The following GRM7 variants were observed in gnomAD, a reference collection of about 807,000 sequenced individuals.
GRM7 encodes the protein glutamate metabotropic receptor 7.
GRM7 carries 35 observed loss-of-function variants against 84.5 expected under a neutral mutation model. That is an observed-to-expected ratio of 0.41 (90% CI 0.32 to 0.55). The LOEUF (loss-of-function observed/expected upper bound fraction) is 0.55. Among genes scored for constraint, GRM7 ranks in the 20% least tolerant of loss-of-function variants. GRM7 has a pLI of 0.19. For missense variants in GRM7, 1,003 were observed against 1,194.6 expected, an observed-to-expected ratio of 0.84 and a Z score of 2.36; for synonymous variants, 487 against 455.1, an observed-to-expected ratio of 1.07 and a Z score of -0.89.
rs553182733 is a variant in GRM7, at chr3:7,685,044, A to G, written c.2698+4749A>G. ...TGGCATGTTTCCCTGTACTTTCTACAGTTCACTTGGCAGATGTATGTTCAT... is the reference window on the plus strand; with the variant it reads ...TGGCATGTTTCCCTGTACTTTCTACGGTTCACTTGGCAGATGTATGTTCAT... On this transcript the variant is annotated intron_variant, in intron 9 of 9. Transcript: ENST00000357716. 3.3e-5 allele frequency among the ~76,000 whole-genome samples: 5 copies of G among 152,334 alleles called. No individual in the cohort carries two copies. The East Asian group carries it at 5.8e-4, about 18-fold the overall frequency.
intron 7 of GRM7, among the ~76,000 whole-genome samples, chr3:7,467,028 A>G (rs1698487237): frequency 6.6e-6 from 1 of 152,164 alleles, no homozygotes; most frequent in African/African-American, 2.4e-5. Context: ...TACTTTTTAA[A>G]ATGATGGACG....
chr3:7,132,955 T>C (rs982532202), intron 1 of GRM7, among the ~76,000 whole-genome samples: 10 of 152,184 alleles, frequency 6.6e-5, no homozygotes, highest in African/African-American at 2.4e-4. Flanking sequence ...ATAATCGATT[T>C]TTTTTTTACT....
chr3:7,108,636 A>G (rs144294127), intron 1 of GRM7, among the ~76,000 whole-genome samples: 605 of 152,072 alleles, frequency 4.0e-3, no homozygotes, highest in Middle Eastern at 0.01. Context: ...CCCATTCATT[A>G]TGGACCATCT....
chr3:7,252,610 AC>A (rs1322097917), intron 2 of GRM7, among the ~76,000 whole-genome samples: 3 of 151,678 alleles, frequency 2.0e-5, no homozygotes, highest in African/African-American at 7.2e-5. Context: ...AGATTTCCTA[AC>A]AAAATCTAGA....
At chr3:7,256,411 A>G (rs1397834361) in intron 2 of GRM7, among the ~76,000 whole-genome samples, 6 of 152,206 alleles carry the variant, frequency 3.9e-5, no homozygotes, top group African/African-American at 1.4e-4. Context: ...TTGAAGGAAC[A>G]TATTTAAAAA....
intron 9 of GRM7, among the ~76,000 whole-genome samples, chr3:7,689,218 T>G (rs914355512): frequency 2.6e-5 from 4 of 152,226 alleles, no homozygotes; most frequent in African/African-American, 9.6e-5. Context: ...TGAATTGTAT[T>G]ATTGACATCC....
intron 1 of GRM7, among the ~76,000 whole-genome samples, chr3:7,121,323 A>G (rs183255008): frequency 7.2e-6 from 1 of 138,674 alleles, no homozygotes; most frequent in East Asian, 2.0e-4. Context: ...CCATCCTCCC[A>G]TCCATCTATT....
chr3:7,311,862 T>TCA (rs1700409248), intron 4 of GRM7, among the ~76,000 whole-genome samples: 1 of 152,134 alleles, frequency 6.6e-6, no homozygotes, highest in South Asian at 2.1e-4. Context: ...CCCAAAGTGT[T>TCA]AGGATTACAG....
intron 2 of GRM7, among the ~76,000 whole-genome samples, chr3:7,161,200 GAAGGCACCA>G (rs1332861177): frequency 6.6e-6 from 1 of 151,708 alleles, no homozygotes; most frequent in Non-Finnish European, 1.5e-5. Context: ...TTCACGATCT[GAAGGCACCA>G]CCAAGATAGA....
At chr3:7,220,779 T>G (rs1011245251) in intron 2 of GRM7, among the ~76,000 whole-genome samples, 1 of 152,294 alleles carries the variant, frequency 6.6e-6, no homozygotes, top group South Asian at 2.1e-4. Context: ...ATCTGAAACC[T>G]TCTAAAATAT....
At chr3:7,406,546 T>C (rs1358445899) in intron 4 of GRM7, among the ~76,000 whole-genome samples, 1 of 152,114 alleles carries the variant, frequency 6.6e-6, no homozygotes, top group Non-Finnish European at 1.5e-5. Context: ...AATAGAATGA[T>C]ACAATCAAAT....
intron 1 of GRM7, among the ~76,000 whole-genome samples, chr3:7,002,778 G>T (rs1342406519): frequency 1.3e-5 from 2 of 152,106 alleles, no homozygotes; most frequent in Non-Finnish European, 2.9e-5. Context: ...CTGAAGAGTT[G>T]TCTCCACTCC....
chr3:7,477,930 C>T (rs1698987034), intron 7 of GRM7, among the ~76,000 whole-genome samples: 1 of 152,154 alleles, frequency 6.6e-6, no homozygotes, highest in African/African-American at 2.4e-5. Context: ...TTATAAGTGA[C>T]ACTGTCTTTG....
chr3:6,925,600 A>G (rs572221361), intron 1 of GRM7, among the ~76,000 whole-genome samples: 92 of 152,286 alleles, frequency 6.0e-4, no homozygotes, highest in Admixed American at 1.6e-3. Context: ...CTATCATCTC[A>G]TACAATGTAG....
intron 1 of GRM7, among the ~76,000 whole-genome samples, chr3:7,073,438 G>A (rs1272903646): frequency 6.6e-6 from 1 of 152,070 alleles, no homozygotes; most frequent in African/African-American, 2.4e-5. Flanking sequence ...AGGCAGCACT[G>A]TGCCTTAGTA....
At chr3:7,438,824 G>A (rs181831104) in intron 5 of GRM7, among the ~76,000 whole-genome samples, 3 of 151,654 alleles carry the variant, frequency 2.0e-5, no homozygotes, top group East Asian at 2.0e-4. Flanking sequence ...TCATCTGGGG[G>A]ACACACACAA....
chr3:7,644,519 C>G (rs1698531519), intron 8 of GRM7, among the ~76,000 whole-genome samples: 1 of 152,002 alleles, frequency 6.6e-6, no homozygotes, highest in Non-Finnish European at 1.5e-5. Flanking sequence ...AATTCAATTC[C>G]CTCTCAGATA....
intron 9 of GRM7, chr3:7,686,318 T>C: frequency 3.6e-6 from 3 of 840,326 alleles, no homozygotes; most frequent in Non-Finnish European, 6.1e-6. Flanking sequence ...TGTGTGCACA[T>C]TTATTTTATA....
intron 1 of GRM7, among the ~76,000 whole-genome samples, chr3:6,888,426 A>G (rs898600172): frequency 9.9e-5 from 15 of 152,224 alleles, no homozygotes; most frequent in South Asian, 2.1e-4. Context: ...TAAGGAAGGG[A>G]TCCAGTTTCA....
Sources: allele counts gnomAD v4.1 joint callset (sites outside exome capture counted in the v4.1 genomes callset), GRCh38; gene constraint gnomAD v4.1.1; transcripts MANE v1.5; gene names NCBI Gene and HGNC (gene_info 2026-07-23, HGNC 2026-07-21).